The following IGF2 variants were observed in gnomAD, a reference collection of about 807,000 sequenced individuals.
IGF2 encodes insulin like growth factor 2.
A neutral mutation model predicts 12.0 loss-of-function variants in IGF2; 2 were observed. The observed-to-expected ratio is 0.17, with a 90% CI of 0.07 to 0.52. The LOEUF is 0.52. Ranked by LOEUF, IGF2 falls within the 20% of genes least tolerant of loss-of-function variation. IGF2 has a pLI of 0.95. For synonymous variants in IGF2, 105 were observed against 110.1 expected (o/e 0.95, Z 0.29); for missense variants, 211 against 268.0 (o/e 0.79, Z 1.48).
At position 2,138,390 on chromosome 11, in the gene IGF2, G is replaced by GGT. The variant is rs1554915144; in HGVS notation, c.-169_-168insAC. ...AGAGCGGGGGGATGGCTTTTTTTTG[G>GGT]GGGGGGGGGGAGAATTCGTCTGATT... On this transcript the variant is annotated 5_prime_UTR_variant, in exon 1 of 4. Transcript: ENST00000416167. 2 of 495,344 alleles carry GGT rather than the reference G, an allele frequency of 4.0e-6. No homozygotes were observed. The highest frequency in any genetic ancestry group is 5.1e-6 in the Non-Finnish European group (2 of 394,474). 30.7% of individuals were successfully genotyped at this position (495,344 alleles called of 1,614,324 possible).
At chr11:2,144,631 G>A (rs1010452332), upstream of IGF2, among the ~76,000 whole-genome samples, 4 of 152,206 alleles carry the variant, frequency 2.6e-5, no homozygotes, top group African/African-American at 7.2e-5. Flanking sequence ...ACTCCGGCTG[G>A]GGAAAGCCCA....
At chr11:2,135,101 C>T (rs1294711918) in intron 2 of IGF2, among the ~76,000 whole-genome samples, 1 of 152,188 alleles carries the variant, frequency 6.6e-6, no homozygotes, top group Non-Finnish European at 1.5e-5. Context: ...AATTCTGATG[C>T]CCAGGGAGAC....
At chr11:2,145,417 C>G (rs557113919), upstream of IGF2, among the ~76,000 whole-genome samples, 1 of 152,232 alleles carries the variant, frequency 6.6e-6, no homozygotes, top group Non-Finnish European at 1.5e-5. Context: ...TAGGCTCCCC[C>G]CACCTTCTCC....
Position 2,135,494 on chromosome 11 carries a change from C to T in IGF2, c.30G>A (p.Leu10=), listed in dbSNP as rs760509523. Residue 10 remains leucine (L), a synonymous_variant, in exon 2 of 4, where the codon CTG becomes CTA. Coordinates refer to ENST00000416167, the MANE Select transcript of IGF2 (RefSeq NM_000612.6). ...CGAAGGCCAAGAAGGTGAGAAGCAC[C>T]AGCATCGACTTCCCCATTGGGATTC... The part of the protein sequence containing the change: MGIPMGKSM[L]VLLTFLAFAS... The T allele has an allele frequency of 6.2e-7, 1 of 1,613,590 alleles. No homozygotes were observed. The highest frequency in any genetic ancestry group is 2.2e-5 in the East Asian group (1 of 44,852).
At position 2,133,341 on chromosome 11, in the gene IGF2, C is replaced by T. The variant is rs552324804; in HGVS notation, c.307-118G>A. On this transcript the variant is annotated intron_variant, in intron 3 of 3. Transcript: ENST00000416167. The surrounding 1 kb of genome is among the most constrained non-coding windows in gnomAD (Gnocchi z 8.9). ...GATCAGTGACTTGAGCTAATGTCCA[C>T]GGGCAGAGGGACAGAAGGAGCCAGC... 85 of 1,002,874 alleles carry T rather than the reference C, an allele frequency of 8.5e-5. No individual in the cohort carries two copies. Among genetic ancestry groups the T allele is most frequent in the Non-Finnish European group, 1.1e-4 (77 of 692,080 alleles). 62.1% of individuals were successfully genotyped at this position (1,002,874 alleles called of 1,614,324 possible).
In IGF2 at chr11:2,133,294, C is replaced by A; in HGVS notation, c.307-71G>T. The A allele has an allele frequency of 3.5e-6, 4 of 1,152,256 alleles. No individual in the cohort carries two copies. The highest frequency in any genetic ancestry group is 4.9e-6 in the Non-Finnish European group (4 of 817,430). The allele number at this position is 1,152,256 out of a possible 1,614,324, so 71.4% of individuals were successfully genotyped here. On this transcript the variant is annotated intron_variant, in intron 3 of 3. Coordinates refer to ENST00000416167, the MANE Select transcript of IGF2 (RefSeq NM_000612.6). This position sits in a 1 kb window ranked among gnomAD's most constrained non-coding sequence, Gnocchi z 8.9. ...CTTCCGCCTGAGCCGCCCGCCTGACCTGACAGGCCACCCCTGTGACTGATC... is the reference window on the plus strand; with the variant it reads ...CTTCCGCCTGAGCCGCCCGCCTGACATGACAGGCCACCCCTGTGACTGATC...
At chr11:2,142,859 A>G (rs1371104728), upstream of IGF2, among the ~76,000 whole-genome samples, 2 of 152,026 alleles carry the variant, frequency 1.3e-5, no homozygotes, top group African/African-American at 4.8e-5. The surrounding 1 kb of genome is among the most constrained non-coding windows in gnomAD (Gnocchi z 5.7). Flanking sequence ...GACCCGGGAG[A>G]CCCTGTGTGA....
Position 2,138,439 on chromosome 11 carries a change from CGGGCTG to C in IGF2, c.-223_-218del, listed in dbSNP as rs1859264198. ...TTGTCCAGGGAGGACGGGCTGTCTT[CGGGCTG>C]GGGCGGGCCAGATGTTGTACTTTTC... On this transcript the variant is annotated 5_prime_UTR_variant, in exon 1 of 4. Transcript: ENST00000416167. The C allele has an allele frequency of 1.9e-5, 16 of 839,716 alleles. No individual in the cohort carries two copies. The highest frequency in any genetic ancestry group is 2.2e-5 in the Non-Finnish European group (16 of 718,084). 52.0% of individuals were successfully genotyped at this position (839,716 alleles called of 1,614,324 possible).
upstream of IGF2, among the ~76,000 whole-genome samples, chr11:2,142,136 A>G (rs1859635997): frequency 6.6e-6 from 1 of 151,988 alleles, no homozygotes; most frequent in Non-Finnish European, 1.5e-5. The surrounding 1 kb of genome is among the most constrained non-coding windows in gnomAD (Gnocchi z 5.7). Context: ...TTGGGGGTCC[A>G]TGGAACATTT....
rs1858451630 is a variant in IGF2, at chr11:2,130,362, T to G, written c.*2625A>C. The G allele has an allele frequency of 8.8e-6, 2 of 227,664 alleles. No homozygotes were observed. The highest frequency in any genetic ancestry group is 3.7e-4 in the South Asian group (2 of 5,450). 14.1% of individuals were successfully genotyped at this position (227,664 alleles called of 1,614,324 possible). On this transcript the variant is annotated 3_prime_UTR_variant, in exon 4 of 4. Coordinates refer to ENST00000416167, the MANE Select transcript of IGF2 (RefSeq NM_000612.6). The stretch of plus-strand genomic sequence containing the variant: ...TCCCCTCTGACTTCTCCAAGGGGGC[T>G]CAGTGGCCAGTGCCCCCCAGGAGGC...
At chr11:2,134,325 C>T (rs1564895515) in intron 2 of IGF2, 2 of 355,240 alleles carry the variant, frequency 5.6e-6, no homozygotes, top group African/African-American at 2.3e-5. Flanking sequence ...CACGGGGGTC[C>T]CCCAAGTGGG....
chr11:2,139,058 G>T lies in IGF2; in HGVS notation c.-836C>A. ...CGCGCCGGGGGGAGGGCTGGAGGGG[G>T]AGCGCGGGGGGGGGTGACAACGCCG... On this transcript the variant is annotated 5_prime_UTR_variant, in exon 1 of 4. Transcript: ENST00000416167. 3.5e-6 allele frequency: 1 copy of T among 286,948 alleles called. No homozygotes were observed. The highest frequency in any genetic ancestry group is 4.7e-6 in the Non-Finnish European group (1 of 215,014). The allele number at this position is 286,948 out of a possible 1,614,324, so 17.8% of individuals were successfully genotyped here. A position where few individuals can be genotyped will look rare whatever the true frequency, so the allele number is the denominator to read the frequency against.
the IGF2 span, chr11:2,147,616 T>G: frequency 8.1e-7 from 1 of 1,239,672 alleles, no homozygotes; most frequent in East Asian, 3.1e-5. This position sits in a 1 kb window ranked among gnomAD's most constrained non-coding sequence, Gnocchi z 7.2. Context: ...CCAGCCTCAG[T>G]TCTGGGAGCG....
rs532109647 is a variant in IGF2 at position 2,133,408 on chromosome 11, C to T, written c.306+109G>A. The T allele has an allele frequency of 5.7e-5, 73 of 1,281,990 alleles. No homozygotes were observed. In the African/African-American group the frequency reaches 7.4e-4, roughly 13 times the overall value. The allele number at this position is 1,281,990 out of a possible 1,614,324, so 79.4% of individuals were successfully genotyped here. On this transcript the variant is annotated intron_variant, in intron 3 of 3. Transcript: ENST00000416167. This position sits in a 1 kb window ranked among gnomAD's most constrained non-coding sequence, Gnocchi z 8.9. ...GGCCACACAGCAAGCAAGGAAGTCA[C>T]GGGTCCTTGTCCCTGGCCAAGAGGT...
chr11:2,136,573 G>T (rs1266899411), intron 1 of IGF2, among the ~76,000 whole-genome samples: 1 of 152,256 alleles, frequency 6.6e-6, no homozygotes, highest in African/African-American at 2.4e-5. Context: ...AACCCTCCAG[G>T]CGGGCAGCCC....
At chr11:2,136,134 G>A (rs758589708) in intron 1 of IGF2, among the ~76,000 whole-genome samples, 1 of 152,132 alleles carries the variant, frequency 6.6e-6, no homozygotes, top group African/African-American at 2.4e-5. Flanking sequence ...CACCTTTCCA[G>A]TCTGCAGCTG....
At chr11:2,136,597 G>A (rs867252232) in intron 1 of IGF2, among the ~76,000 whole-genome samples, 2 of 152,262 alleles carry the variant, frequency 1.3e-5, no homozygotes, top group African/African-American at 4.8e-5. Flanking sequence ...CCTTCGCTCC[G>A]CAGACCCAGG....
chr11:2,143,711 C>T (rs539417319), upstream of IGF2, among the ~76,000 whole-genome samples: 2 of 152,308 alleles, frequency 1.3e-5, no homozygotes, highest in Non-Finnish European at 2.9e-5. Flanking sequence ...TTTTGACGTC[C>T]CCGGAAATTA....
rs1188516456 is a variant in IGF2 at position 2,133,808 on chromosome 11, T to G, written c.158-143A>C. 2 of 987,026 alleles carry G rather than the reference T, an allele frequency of 2.0e-6. No individual in the cohort carries two copies. The highest frequency in any genetic ancestry group is 5.5e-5 in the East Asian group (2 of 36,254). The allele number at this position is 987,026 out of a possible 1,614,324, so 61.1% of individuals were successfully genotyped here. ...CACCCTGCGGGTCAGGGGAGGGAAG[T>G]GAGAGCTGGCAGGCAGAGGCGTCCC... On this transcript the variant is annotated intron_variant, in intron 2 of 3. Coordinates refer to ENST00000416167, the MANE Select transcript of IGF2 (RefSeq NM_000612.6). This position sits in a 1 kb window ranked among gnomAD's most constrained non-coding sequence, Gnocchi z 8.9.
Sources: allele counts gnomAD v4.1 joint callset (sites outside exome capture counted in the v4.1 genomes callset), GRCh38; gene constraint gnomAD v4.1.1; non-coding constraint Gnocchi (gnomAD v3.1); transcripts MANE v1.5; gene names NCBI Gene and HGNC (gene_info 2026-07-23, HGNC 2026-07-21).